Variants in FAM114A1 observed in about 807,000 individuals in gnomAD.
FAM114A1 encodes protein NOXP20.
In FAM114A1, 62 loss-of-function variants were observed where a neutral mutation model predicts 64.3. The ratio of observed to expected loss-of-function variants is 0.96; its 90% confidence interval spans 0.79 to 1.19. FAM114A1 has a LOEUF of 1.19. Among genes scored for constraint, FAM114A1 ranks in the 50% most tolerant of loss-of-function variants. FAM114A1 has a pLI of 0.00. For synonymous variants in FAM114A1, 254 were observed against 251.1 expected (o/e 1.01, Z -0.11); for missense variants, 645 against 676.3 (o/e 0.95, Z 0.51).
intron 4 of FAM114A1, among the ~76,000 whole-genome samples, chr4:38,903,240 G>A (rs1717676871): frequency 6.6e-6 from 1 of 152,168 alleles, no homozygotes; most frequent in Non-Finnish European, 1.5e-5. Flanking sequence ...GAGGCAGCTC[G>A]TGTATACATA....
chr4:38,895,429 C>G (rs550167968), intron 4 of FAM114A1, among the ~76,000 whole-genome samples: 1 of 152,278 alleles, frequency 6.6e-6, no homozygotes, highest in East Asian at 1.9e-4. Context: ...TTAGTTCAGG[C>G]GCACTAAGGA....
chr4:38,940,752 CATG>C (rs1721522595), intron 13 of FAM114A1, among the ~76,000 whole-genome samples: 1 of 152,166 alleles, frequency 6.6e-6, no homozygotes, highest in Admixed American at 6.5e-5. Flanking sequence ...TTGGGGTTAT[CATG>C]ATACCTGCCT....
chr4:38,931,323 T>C, intron 10 of FAM114A1, 128 bp from the exon 11 acceptor site: 2 of 1,135,734 alleles, frequency 1.8e-6, no homozygotes, highest in Non-Finnish European at 2.4e-6. Flanking sequence ...AATTGCCCCG[T>C]CATCCTCCAA....
intron 13 of FAM114A1, among the ~76,000 whole-genome samples, chr4:38,940,167 AG>A (rs1721478909): frequency 6.6e-6 from 1 of 152,172 alleles, no homozygotes; most frequent in Admixed American, 6.5e-5. Context: ...CTGGGACTGC[AG>A]GCTTGAGCCA....
intron 3 of FAM114A1, among the ~76,000 whole-genome samples, chr4:38,886,565 A>G (rs1014845134): frequency 2.0e-5 from 3 of 152,046 alleles, no homozygotes; most frequent in Non-Finnish European, 4.4e-5. Flanking sequence ...CGTGATTTTC[A>G]TTTGTTGGCT....
At chr4:38,895,516 T>C (rs974198289) in intron 4 of FAM114A1, among the ~76,000 whole-genome samples, 1 of 152,246 alleles carries the variant, frequency 6.6e-6, no homozygotes, top group Non-Finnish European at 1.5e-5. Flanking sequence ...CCATCATTGC[T>C]GGATAGAGTA....
At chr4:38,901,517 C>A (rs908820492) in intron 4 of FAM114A1, among the ~76,000 whole-genome samples, 1 of 152,204 alleles carries the variant, frequency 6.6e-6, no homozygotes, top group Non-Finnish European at 1.5e-5. Context: ...GTCTCGAACT[C>A]CTGATCTCAG....
chr4:38,905,318 G>A (rs1717880275), intron 4 of FAM114A1, among the ~76,000 whole-genome samples: 1 of 151,856 alleles, frequency 6.6e-6, no homozygotes, highest in Non-Finnish European at 1.5e-5. Context: ...AGAATCACTT[G>A]AACTCGGGAG....
intron 4 of FAM114A1, among the ~76,000 whole-genome samples, chr4:38,899,498 G>A (rs891678987): frequency 2.6e-5 from 4 of 152,176 alleles, no homozygotes; most frequent in African/African-American, 9.7e-5. Flanking sequence ...AATGAGCACT[G>A]TGATTCCAGG....
At chr4:38,937,522 AT>A (rs1490888322) in intron 13 of FAM114A1, among the ~76,000 whole-genome samples, 21 of 152,158 alleles carry the variant, frequency 1.4e-4, no homozygotes, top group African/African-American at 5.1e-4. Flanking sequence ...ATCCTAACTT[AT>A]CACACCAGCA....
chr4:38,915,321 C>T (rs929081035), intron 8 of FAM114A1, among the ~76,000 whole-genome samples: 10 of 152,138 alleles, frequency 6.6e-5, no homozygotes, highest in South Asian at 2.1e-4. Flanking sequence ...ACTATCCCCC[C>T]ACCTCATGGT....
intron 14 of FAM114A1, 47 bp downstream of exon 14, chr4:38,941,068 T>C (rs762020870): frequency 1.3e-6 from 2 of 1,523,968 alleles, no homozygotes; most frequent in Non-Finnish European, 1.8e-6. Flanking sequence ...AAGTAAATGT[T>C]AGAACTACTT....
At chr4:38,921,666 G>T (rs1298500042) in intron 8 of FAM114A1, among the ~76,000 whole-genome samples, 1 of 152,192 alleles carries the variant, frequency 6.6e-6, no homozygotes, top group South Asian at 2.1e-4. Flanking sequence ...CCTCTGTGAA[G>T]CCCTCCCTGT....
At chr4:38,915,572 T>C (rs911688069) in intron 8 of FAM114A1, among the ~76,000 whole-genome samples, 1 of 152,188 alleles carries the variant, frequency 6.6e-6, no homozygotes, top group Non-Finnish European at 1.5e-5. Context: ...AGGATTATCT[T>C]ACTGAAGGTT....
At chr4:38,934,851 T>C (rs920113560) in intron 12 of FAM114A1, among the ~76,000 whole-genome samples, 3 of 152,050 alleles carry the variant, frequency 2.0e-5, no homozygotes, top group African/African-American at 7.2e-5. Context: ...AATCAAACTA[T>C]CCAGAGACAC....
chr4:38,928,382 T>A (rs536439470), intron 9 of FAM114A1, among the ~76,000 whole-genome samples: 1 of 152,336 alleles, frequency 6.6e-6, no homozygotes, highest in South Asian at 2.1e-4. Flanking sequence ...GCCTTGCAGA[T>A]ACTTTAAAAG....
chr4:38,935,877 A>G, intron 13 of FAM114A1, 87 bp downstream of exon 13: 1 of 940,640 alleles, frequency 1.1e-6, no homozygotes, highest in Non-Finnish European at 1.7e-6. Context: ...CTTCTTTAGT[A>G]GCTCCATAAA....
intron 9 of FAM114A1, among the ~76,000 whole-genome samples, chr4:38,926,756 C>T (rs1720142777): frequency 6.6e-6 from 1 of 152,102 alleles, no homozygotes; most frequent in South Asian, 2.1e-4. Flanking sequence ...GTGCCAGGCC[C>T]TCTCTATCTA....
chr4:38,896,210 T>C (rs958421087), intron 4 of FAM114A1, among the ~76,000 whole-genome samples: 1 of 152,088 alleles, frequency 6.6e-6, no homozygotes, highest in Non-Finnish European at 1.5e-5. Context: ...GAGCTGTCTT[T>C]AGAAAAGCAG....
Sources: allele counts gnomAD v4.1 joint callset (sites outside exome capture counted in the v4.1 genomes callset), GRCh38; gene constraint gnomAD v4.1.1; transcripts MANE v1.5; gene names NCBI Gene and HGNC (gene_info 2026-07-23, HGNC 2026-07-21).